STAG2: variants seen among roughly 807,000 people sequenced by gnomAD.
STAG2 encodes the protein cohesin subunit SA-2.
Under a neutral mutation model 108.1 loss-of-function variants are expected in STAG2, and 14 were observed. The observed-to-expected ratio is 0.13, with a 90% CI of 0.09 to 0.20. The LOEUF (loss-of-function observed/expected upper bound fraction) is 0.20, where lower values mean the gene tolerates loss of function less well. Ranked by LOEUF, STAG2 falls within the 10% of genes least tolerant of loss-of-function variation. The probability of loss-of-function intolerance (pLI) is 1.00; values close to 1 mark genes in which losing one functional copy is unlikely to be tolerated. For missense variants in STAG2, 440 were observed against 940.9 expected, an observed-to-expected ratio of 0.47 and a Z score of 6.96; for synonymous variants, 307 against 302.7, an observed-to-expected ratio of 1.01 and a Z score of -0.15.
At chrX:123,995,042 C>T (rs938630945) in intron 1 of STAG2, among the ~76,000 whole-genome samples, 7 of 111,806 alleles carry the variant, frequency 6.3e-5, no homozygotes, top group African/African-American at 2.3e-4. Context: ...ATTTTTAGCA[C>T]ACTTGGAGAC....
intron 1 of STAG2, among the ~76,000 whole-genome samples, chrX:123,994,245 A>G (rs2055620559): frequency 9.0e-6 from 1 of 111,605 alleles, no homozygotes; most frequent in Non-Finnish European, 1.9e-5. Context: ...ATCCATTTCC[A>G]GGAGAACTAA....
intron 1 of STAG2, among the ~76,000 whole-genome samples, chrX:123,978,154 CTTT>C (rs778721456): frequency 1.2e-5 from 1 of 81,030 alleles, no homozygotes; most frequent in Admixed American, 1.4e-4. Flanking sequence ...CTACTGAGTT[CTTT>C]TTTTTTTTTT....
rs112417641 is a variant in STAG2 at position 124,066,216 on chromosome X, A to G, written c.2138A>G (p.Tyr713Cys). 2 of 1,186,638 alleles carry G rather than the reference A, an allele frequency of 1.7e-6. No individual in the cohort carries two copies. The highest frequency in any genetic ancestry group is 1.1e-6 in the Non-Finnish European group (1 of 886,463). The change falls in exon 22 of 35, where the codon TAC becomes TGC. Residue 713 changes from tyrosine to cysteine, a missense_variant. By Grantham distance (194) the Tyr-to-Cys change is radical. Around this residue, in one of 3 missense-constraint regions of STAG2, gnomAD observed 337 missense variants for 649.3 expected, o/e 0.52. Transcript: ENST00000371145. ...AAGTGGGATTTATTTGCTTGTAATTACAAACTCTTGAAAACTGGAATCGAA... is the reference window on the plus strand; with the variant it reads ...AAGTGGGATTTATTTGCTTGTAATTGCAAACTCTTGAAAACTGGAATCGAA... ...LSKWDLFACNYKLLKTGIENG... is the reference protein window; with the variant it reads ...LSKWDLFACNCKLLKTGIENG...
chrX:124,090,451 T>C (rs2059230842), intron 30 of STAG2, 124 bp from the exon 31 acceptor site: 2 of 566,345 alleles, frequency 3.5e-6, no homozygotes, highest in Admixed American at 6.1e-5. Context: ...CATAGGTTTG[T>C]GTCCCCCGTT....
chrX:124,034,262 G>T (rs997086644), intron 5 of STAG2, among the ~76,000 whole-genome samples: 4 of 111,576 alleles, frequency 3.6e-5, no homozygotes, highest in African/African-American at 1.3e-4. Flanking sequence ...GAACTCCTGG[G>T]CTCAAGCAAT....
chrX:124,017,643 A>G (rs909319827), intron 1 of STAG2, among the ~76,000 whole-genome samples: 4 of 111,729 alleles, frequency 3.6e-5, no homozygotes, highest in Non-Finnish European at 7.5e-5. Flanking sequence ...GTAGGAAGTC[A>G]TTCTTTTTTT....
At chrX:124,093,279 G>A (rs916179080) in intron 32 of STAG2, among the ~76,000 whole-genome samples, 1 of 111,227 alleles carries the variant, frequency 9.0e-6, no homozygotes, top group African/African-American at 3.3e-5. Context: ...CGAATCTGAA[G>A]TTTCAGCATG....
At chrX:124,094,570 G>A (rs956459699) in intron 33 of STAG2, among the ~76,000 whole-genome samples, 12 of 111,640 alleles carry the variant, frequency 1.1e-4, no homozygotes, top group African/African-American at 3.6e-4. Context: ...ACTTAAACTT[G>A]GAAGGAAATT....
At chrX:124,066,484 T>C in intron 23 of STAG2, 48 bp downstream of exon 23, 1 of 933,500 alleles carries the variant, frequency 1.1e-6, no homozygotes, top group Non-Finnish European at 1.5e-6. Flanking sequence ...TATCATTAAC[T>C]GTTTTCAGCA....
In STAG2 at chrX:124,061,279, T is replaced by C; in HGVS notation, c.1472T>C (p.Leu491Pro). The change falls in exon 16 of 35, where the codon CTG becomes CCG. Residue 491 changes from leucine to proline, a missense_variant. Leu to Pro is a moderately conservative substitution (Grantham distance 98). This residue lies in a region of STAG2 where 337 missense variants were observed against 649.3 expected (regional missense o/e 0.52). Coordinates refer to ENST00000371145, the MANE Select transcript of STAG2 (RefSeq NM_001042750.2). Reference protein sequence around the residue: ...VDSMWDCATELLKDWECMNSL... With the variant: ...VDSMWDCATEPLKDWECMNSL... The stretch of plus-strand genomic sequence containing the variant: ...AGCATGTGGGACTGTGCTACTGAGC[T>C]GCTGAAAGACTGGGAATGTATGAAT... 8.3e-7 allele frequency: 1 copy of C among 1,210,977 alleles called. No homozygotes were observed. The highest frequency in any genetic ancestry group is 1.1e-6 in the Non-Finnish European group (1 of 894,967).
chrX:124,090,634 C>T lies in STAG2; in HGVS notation c.3337C>T (p.Pro1113Ser), dbSNP rs1556571924. 8.3e-7 allele frequency: 1 copy of T among 1,210,674 alleles called. No individual in the cohort carries two copies. The highest frequency in any genetic ancestry group is 1.7e-5 in the African/African-American group (1 of 57,682). ...AAGCAGAGAACAAACACTGCACACCCCTGTTATGATGCAGACACCACAACT... is the reference window on the plus strand; with the variant it reads ...AAGCAGAGAACAAACACTGCACACCTCTGTTATGATGCAGACACCACAACT... ...WLSREQTLHT[P>S]VMMQTPQLTS... The change falls in exon 31 of 35, where the codon CCT becomes TCT. Residue 1113 changes from proline to serine, a missense_variant. By Grantham distance (74) the Pro-to-Ser change is moderately conservative. Around this residue, in one of 3 missense-constraint regions of STAG2, gnomAD observed 337 missense variants for 649.3 expected, o/e 0.52. Transcript: ENST00000371145.
At chrX:124,007,530 ATGAG>A (rs1017290327) in intron 1 of STAG2, among the ~76,000 whole-genome samples, 1 of 111,650 alleles carries the variant, frequency 9.0e-6, no homozygotes, top group Non-Finnish European at 1.9e-5. Flanking sequence ...TTTCATTTGA[ATGAG>A]TATGACATTT....
At chrX:124,037,166 A>C (rs973488302) in intron 5 of STAG2, among the ~76,000 whole-genome samples, 28 of 111,873 alleles carry the variant, frequency 2.5e-4, no homozygotes, top group Non-Finnish European at 4.9e-4. Context: ...GATTATAGAC[A>C]TGAGCCAGCA....
intron 1 of STAG2, among the ~76,000 whole-genome samples, chrX:123,980,104 T>C (rs1040392085): frequency 4.5e-5 from 5 of 112,112 alleles, no homozygotes; most frequent in Admixed American, 9.6e-5. Context: ...TGGAACATAG[T>C]AGTAATAATA....
rs753927149 is a variant in STAG2 at position 124,095,469 on chromosome X, A to G, written c.3783+20A>G. 1 of 1,154,206 alleles carries G rather than the reference A, an allele frequency of 8.7e-7. No homozygotes were observed. The highest frequency in any genetic ancestry group is 3.0e-5 in the East Asian group (1 of 33,609). On this transcript the variant is annotated intron_variant, in intron 34 of 34. Coordinates refer to ENST00000371145, the MANE Select transcript of STAG2 (RefSeq NM_001042750.2). Reference sequence around the variant, plus strand: ...GAATCAGTAGGTTTAATTTAAATGTACCCTAGGATTGCAAAATCAGAAGTA... The same window carrying G: ...GAATCAGTAGGTTTAATTTAAATGTGCCCTAGGATTGCAAAATCAGAAGTA...
intron 1 of STAG2, chrX:124,003,338 A>C (rs1273446453): frequency 9.0e-6 from 1 of 111,301 alleles, no homozygotes; most frequent in African/African-American, 3.3e-5. Context: ...TTAGGGAATA[A>C]TTTCCAAAAT....
chrX:124,003,217 C>T (rs749243365), intron 1 of STAG2, among the ~76,000 whole-genome samples: 23 of 110,917 alleles, frequency 2.1e-4, no homozygotes, highest in Non-Finnish European at 4.0e-4. Flanking sequence ...ATCCACTCAA[C>T]TCAGCCTCCC....
In STAG2 at chrX:124,071,181, C is replaced by T; in HGVS notation, c.2391C>T (p.Ile797=). 8.5e-7 allele frequency: 1 copy of T among 1,180,609 alleles called. No homozygotes were observed. Among genetic ancestry groups the T allele is most frequent in the Admixed American group, 2.4e-5 (1 of 41,833 alleles). The change falls in exon 25 of 35, where the codon ATC becomes ATT. Residue 797 remains isoleucine (I), a synonymous_variant. Transcript: ENST00000371145. The stretch of plus-strand genomic sequence containing the variant: ...CTATTCTGTGTGATATTTTGATGAT[C>T]TTCAGCCATCAGATTATGTCAGGAG... The part of the protein sequence containing the change: ...AFTILCDILM[I]FSHQIMSGGR...
chrX:124,007,242 C>G (rs1412841868), intron 1 of STAG2, among the ~76,000 whole-genome samples: 3 of 108,798 alleles, frequency 2.8e-5, no homozygotes, highest in African/African-American at 1.0e-4. Context: ...GTCTCAAACC[C>G]CTGGCCTCAA....
Sources: gnomAD v4.1 joint callset for allele counts (sites outside exome capture counted in the v4.1 genomes callset) on GRCh38, gnomAD v4.1.1 for gene constraint, gnomAD v4.1.1 regional missense constraint, MANE v1.5 for transcripts, NCBI Gene and HGNC (gene_info 2026-07-23, HGNC 2026-07-21) for gene names.